NAALADL2: variants seen among roughly 807,000 people sequenced by gnomAD.
The protein encoded by NAALADL2 is inactive N-acetylated-alpha-linked acidic dipeptidase-like protein 2.
Under a neutral mutation model 87.2 loss-of-function variants are expected in NAALADL2, and 76 were observed. The ratio of observed to expected loss-of-function variants is 0.87; its 90% CI spans 0.72 to 1.05. The LOEUF (loss-of-function observed/expected upper bound fraction) is 1.05, where lower values mean the gene tolerates loss of function less well. NAALADL2 is among the 50% of genes least tolerant of loss of function. The probability of loss-of-function intolerance (pLI) is 0.00; values close to 1 mark genes in which losing one functional copy is unlikely to be tolerated. For synonymous variants in NAALADL2, 354 were observed against 331.0 expected, an observed-to-expected ratio of 1.07 and a Z score of -0.75; for missense variants, 1,089 against 945.8, an observed-to-expected ratio of 1.15 and a Z score of -1.99.
intron 1 of NAALADL2, among the ~76,000 whole-genome samples, chr3:174,980,878 A>G (rs1201233840): frequency 6.6e-6 from 1 of 152,130 alleles, no homozygotes; most frequent in Non-Finnish European, 1.5e-5. Context: ...AATTACATCT[A>G]TTGTATCTTC....
intron 5 of NAALADL2, among the ~76,000 whole-genome samples, chr3:175,399,008 G>A (rs1455924926): frequency 6.6e-6 from 1 of 151,608 alleles, no homozygotes; most frequent in Non-Finnish European, 1.5e-5. Context: ...GAGGAGGAAT[G>A]TGTCCACCCT....
chr3:175,311,225 ATTT>A (rs58374410), intron 4 of NAALADL2, among the ~76,000 whole-genome samples: 1 of 144,410 alleles, frequency 6.9e-6, no homozygotes, highest in Admixed American at 6.9e-5. Flanking sequence ...TAGAACATGG[ATTT>A]TTTTTTTTTT....
At chr3:175,800,564 CT>C (rs547386993) in intron 13 of NAALADL2, among the ~76,000 whole-genome samples, 262 of 152,240 alleles carry the variant, frequency 1.7e-3, no homozygotes, top group Non-Finnish European at 3.0e-3. Context: ...CCCACCACCC[CT>C]CATCATGTAC....
intron 2 of NAALADL2, among the ~76,000 whole-genome samples, chr3:175,200,350 T>G (rs183221769): frequency 6.6e-6 from 1 of 152,278 alleles, no homozygotes; most frequent in East Asian, 1.9e-4. Context: ...CTAGGTTAAC[T>G]AATTTCTCTC....
At chr3:174,463,623 C>T (rs1211943482) in intron 1 of NAALADL2, among the ~76,000 whole-genome samples, 4 of 117,982 alleles carry the variant, frequency 3.4e-5, no homozygotes, top group Non-Finnish European at 6.7e-5. Flanking sequence ...TTTTTTGAGA[C>T]GGAGTCTCGC....
intron 9 of NAALADL2, among the ~76,000 whole-genome samples, chr3:175,557,560 G>C (rs1365558347): frequency 6.6e-6 from 1 of 151,486 alleles, no homozygotes; most frequent in Non-Finnish European, 1.5e-5. Context: ...CCCAACTACC[G>C]TTCCCAGCCT....
At chr3:174,618,070 T>C (rs1720646083) in intron 2 of NAALADL2, among the ~76,000 whole-genome samples, 1 of 151,756 alleles carries the variant, frequency 6.6e-6, no homozygotes, top group South Asian at 2.1e-4. Flanking sequence ...GAGCTGACTA[T>C]CTAAAGAGGT....
intron 1 of NAALADL2, among the ~76,000 whole-genome samples, chr3:174,920,111 T>C (rs1734952927): frequency 6.6e-6 from 1 of 152,184 alleles, no homozygotes; most frequent in African/African-American, 2.4e-5. Context: ...GCAGTATTCA[T>C]AAGGGCCCTA....
intron 1 of NAALADL2, among the ~76,000 whole-genome samples, chr3:174,861,898 AT>A (rs34752493): frequency 0.02 from 2,933 of 145,108 alleles, 66 homozygotes; most frequent in African/African-American, 0.055. Context: ...TTGAGAACCC[AT>A]TTTTTTTTTT....
At chr3:175,212,973 G>C (rs1416314458) in intron 2 of NAALADL2, among the ~76,000 whole-genome samples, 2 of 152,130 alleles carry the variant, frequency 1.3e-5, no homozygotes, top group African/African-American at 4.8e-5. Flanking sequence ...GGTGGTAGCA[G>C]TGCATATGGC....
At chr3:174,631,430 C>T (rs1303423392) in intron 2 of NAALADL2, among the ~76,000 whole-genome samples, 1 of 152,142 alleles carries the variant, frequency 6.6e-6, no homozygotes, top group Admixed American at 6.6e-5. Context: ...TTTTCTGAAC[C>T]TAATCATCTC....
At chr3:175,459,552 GA>G (rs1246531746) in intron 6 of NAALADL2, among the ~76,000 whole-genome samples, 1 of 149,344 alleles carries the variant, frequency 6.7e-6, no homozygotes, top group African/African-American at 2.5e-5. Context: ...AATTTTTCCA[GA>G]AAAAAAGGAA....
At chr3:175,470,744 T>G (rs1340733710) in intron 8 of NAALADL2, among the ~76,000 whole-genome samples, 1 of 152,148 alleles carries the variant, frequency 6.6e-6, no homozygotes, top group Non-Finnish European at 1.5e-5. Context: ...TGGTGTTCAA[T>G]TTTGTGTGGT....
At chr3:175,683,458 G>C (rs1413478796) in intron 11 of NAALADL2, among the ~76,000 whole-genome samples, 2 of 151,724 alleles carry the variant, frequency 1.3e-5, no homozygotes, top group African/African-American at 4.8e-5. Flanking sequence ...GATTCTTAAG[G>C]TTTTGATATA....
intron 2 of NAALADL2, among the ~76,000 whole-genome samples, chr3:174,578,645 A>G (rs2108553588): frequency 6.6e-6 from 1 of 152,118 alleles, no homozygotes; most frequent in East Asian, 1.9e-4. Context: ...AGGGAAATTG[A>G]CAACAGATGG....
chr3:174,927,820 C>T lies in NAALADL2; in HGVS notation c.43+68370C>T, dbSNP rs922653552. Among the ~76,000 whole-genome samples, 5 of 152,246 alleles carry T rather than the reference C, an allele frequency of 3.3e-5. No homozygotes were observed. The South Asian group carries it at 1.0e-3, about 32-fold the overall frequency. On this transcript the variant is annotated intron_variant, in intron 1 of 13. Coordinates refer to ENST00000454872, the MANE Select transcript of NAALADL2 (RefSeq NM_207015.3). ...AGAACTAGAGAAGCAAGAGCAAACA[C>T]ATTCAAAAGCTAGCAGAAGGCAGGA...
intron 5 of NAALADL2, among the ~76,000 whole-genome samples, chr3:175,330,310 T>G (rs1418005414): frequency 6.6e-6 from 1 of 152,138 alleles, no homozygotes; most frequent in Non-Finnish European, 1.5e-5. Flanking sequence ...GGCTACATTT[T>G]GCAGATGCCT....
chr3:174,714,118 T>TAC (rs1730953227), intron 2 of NAALADL2, among the ~76,000 whole-genome samples: 2 of 152,174 alleles, frequency 1.3e-5, no homozygotes, highest in East Asian at 3.9e-4. Context: ...TGTAGATACG[T>TAC]GGCATTATTT....
At chr3:174,721,041 GATAAT>G (rs1365408585) in intron 2 of NAALADL2, among the ~76,000 whole-genome samples, 1 of 152,112 alleles carries the variant, frequency 6.6e-6, no homozygotes, top group Admixed American at 6.5e-5. Flanking sequence ...TACTGATAGA[GATAAT>G]ATATCATTTT....
Sources: gnomAD v4.1 joint callset for allele counts (sites outside exome capture counted in the v4.1 genomes callset) on GRCh38, gnomAD v4.1.1 for gene constraint, MANE v1.5 for transcripts, NCBI Gene and HGNC (gene_info 2026-07-23, HGNC 2026-07-21) for gene names.